COL4A2: variants seen among roughly 807,000 people sequenced by gnomAD.
COL4A2 encodes collagen type IV alpha 2 chain, also known as collagen alpha-2(IV) chain.
Under a neutral mutation model 200.2 loss-of-function variants are expected in COL4A2, and 99 were observed. That is an observed-to-expected ratio of 0.49 (90% CI 0.42 to 0.58). The LOEUF (loss-of-function observed/expected upper bound fraction) is 0.58. Among genes scored for constraint, COL4A2 ranks in the 20% least tolerant of loss-of-function variants. COL4A2 has a pLI of 0.00. For synonymous variants in COL4A2, 897 were observed against 900.6 expected (o/e 1.00, Z 0.07); for missense variants, 1,950 against 2,314.1 (o/e 0.84, Z 3.23).
chr13:110,364,449 GA>G (rs1273864284), intron 4 of COL4A2, among the ~76,000 whole-genome samples: 1 of 152,176 alleles, frequency 6.6e-6, no homozygotes, highest in African/African-American at 2.4e-5. Context: ...ATATGGGTGG[GA>G]TGGCGAGTGG....
At chr13:110,408,011 A>G (rs1484681976) in intron 4 of COL4A2, among the ~76,000 whole-genome samples, 1 of 152,190 alleles carries the variant, frequency 6.6e-6, no homozygotes, top group East Asian at 1.9e-4. Context: ...TCCAGGAGGG[A>G]GGTAGGAGCC....
chr13:110,426,223 C>T (rs537245277), intron 6 of COL4A2, among the ~76,000 whole-genome samples: 4 of 152,310 alleles, frequency 2.6e-5, no homozygotes, highest in African/African-American at 7.2e-5. Context: ...AGTTTTGTCT[C>T]CAGCTGAAAT....
At chr13:110,397,567 T>C (rs1330585244) in intron 4 of COL4A2, among the ~76,000 whole-genome samples, 2 of 152,240 alleles carry the variant, frequency 1.3e-5, no homozygotes, top group African/African-American at 4.8e-5. Context: ...GCAGACGTTT[T>C]TGGAGTAAAT....
Position 110,485,837 on chromosome 13 carries a change from G to A in COL4A2, c.3207+1G>A. 6.2e-7 allele frequency: 1 copy of A among 1,613,344 alleles called. No individual in the cohort carries two copies. The highest frequency in any genetic ancestry group is 8.5e-7 in the Non-Finnish European group (1 of 1,179,760). ...ATTCCCAGGATTCATAGGAAGCCGGGTGAGTGGGCGTCTTTTACTCCCCTT... is the reference window on the plus strand; with the variant it reads ...ATTCCCAGGATTCATAGGAAGCCGGATGAGTGGGCGTCTTTTACTCCCCTT... On this transcript the variant is annotated splice_donor_variant, in intron 34 of 47. Coordinates refer to ENST00000360467, the MANE Select transcript of COL4A2 (RefSeq NM_001846.4). LOFTEE classifies it high-confidence loss of function.
chr13:110,475,840 A>G (rs968771669), intron 29 of COL4A2, among the ~76,000 whole-genome samples: 4 of 152,250 alleles, frequency 2.6e-5, no homozygotes, highest in Non-Finnish European at 2.9e-5. Flanking sequence ...TCACTGAGGG[A>G]GGCTGATTTT....
chr13:110,443,565 T>C (rs76612007), intron 16 of COL4A2, among the ~76,000 whole-genome samples: 6,013 of 152,272 alleles, frequency 0.039, 172 homozygotes, highest in East Asian at 0.14. Context: ...TGAATTCAAA[T>C]GAGTGATAAG....
intron 20 of COL4A2, among the ~76,000 whole-genome samples, chr13:110,456,120 G>A (rs1314598617): frequency 1.3e-5 from 2 of 152,212 alleles, no homozygotes; most frequent in African/African-American, 2.4e-5. Flanking sequence ...GAAGAGCACC[G>A]TGTTTCTTGC....
At chr13:110,436,169 A>G (rs545919121) in intron 12 of COL4A2, 100 bp from the exon 13 acceptor site, 9 of 1,548,082 alleles carry the variant, frequency 5.8e-6, no homozygotes, top group South Asian at 3.4e-5. Flanking sequence ...GTAATATGCA[A>G]ACATTAAAAC....
At chr13:110,491,956 C>T in intron 37 of COL4A2, 114 bp from the exon 38 acceptor site, 1 of 806,908 alleles carries the variant, frequency 1.2e-6, no homozygotes, top group Non-Finnish European at 1.9e-6. Flanking sequence ...ACTGGCACTG[C>T]GGCCCTTCCG....
intron 10 of COL4A2, 129 bp from the exon 11 acceptor site, chr13:110,432,196 A>C: frequency 8.5e-7 from 1 of 1,177,574 alleles, no homozygotes; most frequent in Non-Finnish European, 1.1e-6. Flanking sequence ...CAAATGCATC[A>C]GAAACCTCCA....
At chr13:110,475,974 G>T (rs1389882550) in intron 29 of COL4A2, among the ~76,000 whole-genome samples, 1 of 152,252 alleles carries the variant, frequency 6.6e-6, no homozygotes, top group Non-Finnish European at 1.5e-5. Context: ...CTTGCCGGAG[G>T]ATCGGGCATT....
chr13:110,411,231 C>G (rs1879821263), intron 4 of COL4A2, among the ~76,000 whole-genome samples: 1 of 152,230 alleles, frequency 6.6e-6, no homozygotes, highest in Non-Finnish European at 1.5e-5. Context: ...TCGTCTTCTC[C>G]AAGGTCCAGC....
At chr13:110,403,609 C>T (rs1458870587) in intron 4 of COL4A2, among the ~76,000 whole-genome samples, 1 of 152,216 alleles carries the variant, frequency 6.6e-6, no homozygotes, top group Non-Finnish European at 1.5e-5. Flanking sequence ...GCTTTCTCTA[C>T]AGCCCCCCTC....
At chr13:110,496,717 C>A (rs981078465) in intron 40 of COL4A2, among the ~76,000 whole-genome samples, 3 of 136,716 alleles carry the variant, frequency 2.2e-5, no homozygotes, top group African/African-American at 8.3e-5. Context: ...ACAGCCTCAG[C>A]CAGCGGTGAG....
intron 3 of COL4A2, among the ~76,000 whole-genome samples, chr13:110,308,763 C>G (rs1464746030): frequency 6.6e-6 from 1 of 152,196 alleles, no homozygotes; most frequent in Non-Finnish European, 1.5e-5. Flanking sequence ...ACAGCCCTGC[C>G]GATACCGTGG....
intron 4 of COL4A2, among the ~76,000 whole-genome samples, chr13:110,361,566 G>A (rs969668762): frequency 6.6e-6 from 1 of 152,214 alleles, no homozygotes; most frequent in African/African-American, 2.4e-5. Context: ...GAAGTTGTAC[G>A]TCACTGGATA....
chr13:110,435,884 G>T (rs1295825049), intron 12 of COL4A2, among the ~76,000 whole-genome samples: 2 of 151,756 alleles, frequency 1.3e-5, no homozygotes, highest in African/African-American at 4.8e-5. Context: ...TCAGCATTTC[G>T]TTTATCTCGG....
chr13:110,353,972 G>A (rs1284165703), intron 3 of COL4A2, among the ~76,000 whole-genome samples: 1 of 152,148 alleles, frequency 6.6e-6, no homozygotes, highest in African/African-American at 2.4e-5. Context: ...AAGTAAGAAT[G>A]CATCATTCAT....
intron 6 of COL4A2, among the ~76,000 whole-genome samples, chr13:110,427,307 G>A (rs1351023522): frequency 6.6e-6 from 1 of 152,086 alleles, no homozygotes; most frequent in Non-Finnish European, 1.5e-5. Context: ...CTGCCACCAT[G>A]TCTGGCTAAT....
Sources: allele counts gnomAD v4.1 joint callset (sites outside exome capture counted in the v4.1 genomes callset), GRCh38; gene constraint gnomAD v4.1.1; transcripts MANE v1.5; gene names NCBI Gene and HGNC (gene_info 2026-07-23, HGNC 2026-07-21).